ZNF385B: variants seen among roughly 807,000 people sequenced by gnomAD.
The protein encoded by ZNF385B is zinc finger protein 533.
Under a neutral mutation model 39.2 loss-of-function variants are expected in ZNF385B, and 23 were observed. The ratio of observed to expected loss-of-function variants is 0.59; its 90% CI spans 0.42 to 0.83. The LOEUF is 0.83. Ranked by LOEUF, ZNF385B falls within the 40% of genes least tolerant of loss-of-function variation. The pLI is 0.00. For missense variants in ZNF385B, 552 were observed against 598.9 expected, an observed-to-expected ratio of 0.92 and a Z score of 0.82; for synonymous variants, 205 against 222.6, an observed-to-expected ratio of 0.92 and a Z score of 0.70.
intron 1 of ZNF385B, among the ~76,000 whole-genome samples, chr2:179,831,135 A>G (rs1707960958): frequency 1.3e-5 from 2 of 152,208 alleles, no homozygotes. Context: ...TCTTGAACTA[A>G]AAATGCCTGG....
chr2:179,790,301 CCT>C (rs1184160172), intron 1 of ZNF385B, among the ~76,000 whole-genome samples: 1 of 152,104 alleles, frequency 6.6e-6, no homozygotes, highest in Non-Finnish European at 1.5e-5. Flanking sequence ...CAAGCTCACC[CCT>C]GAATTAATTC....
At chr2:179,557,563 T>A (rs537004358) in intron 3 of ZNF385B, among the ~76,000 whole-genome samples, 1 of 100,902 alleles carries the variant, frequency 9.9e-6, no homozygotes, top group African/African-American at 3.6e-5. Flanking sequence ...ATACATGTTA[T>A]ATATGTATGT....
intron 3 of ZNF385B, among the ~76,000 whole-genome samples, chr2:179,590,778 C>A (rs1023482167): frequency 3.9e-5 from 6 of 152,064 alleles, no homozygotes; most frequent in Admixed American, 6.5e-5. Flanking sequence ...GTTTCCTTTG[C>A]GCTCCCTCTC....
chr2:179,610,693 T>C (rs1422102879), intron 3 of ZNF385B, among the ~76,000 whole-genome samples: 2 of 152,180 alleles, frequency 1.3e-5, no homozygotes, highest in Non-Finnish European at 2.9e-5. Flanking sequence ...GAACATGAAA[T>C]ATCTTTCCCT....
At chr2:179,446,861 A>G in intron 6 of ZNF385B, 91 bp from the exon 7 acceptor site, 1 of 1,471,048 alleles carries the variant, frequency 6.8e-7, no homozygotes, top group Non-Finnish European at 9.1e-7. Flanking sequence ...TAGAAATTTG[A>G]TTCTTATGTG....
chr2:179,483,375 G>A lies in ZNF385B; in HGVS notation c.612C>T (p.Asp204=), dbSNP rs762798466. ...SKHAKKVKAL[D]ATKNKPKMVP... Reference sequence around the variant, plus strand: ...CCATTTTGGGTTTATTTTTCGTTGCGTCTAGTGCTTTGACCTTCTTGGCAT... The same window carrying A: ...CCATTTTGGGTTTATTTTTCGTTGCATCTAGTGCTTTGACCTTCTTGGCAT... The change falls in exon 6 of 10, where the codon GAC becomes GAT. Residue 204 remains aspartate, a synonymous_variant. Transcript: ENST00000410066. 66 of 1,613,930 alleles carry A rather than the reference G, an allele frequency of 4.1e-5. 1 individual carries two copies. The highest frequency in any genetic ancestry group is 9.9e-5 in the South Asian group (9 of 91,094).
At chr2:179,757,312 G>C (rs550276436) in intron 3 of ZNF385B, among the ~76,000 whole-genome samples, 1 of 152,222 alleles carries the variant, frequency 6.6e-6, no homozygotes, top group African/African-American at 2.4e-5. Flanking sequence ...CTGCCTGATC[G>C]TTCCTCTGGA....
At chr2:179,550,271 C>T (rs1175900964) in intron 3 of ZNF385B, among the ~76,000 whole-genome samples, 2 of 149,426 alleles carry the variant, frequency 1.3e-5, no homozygotes, top group Admixed American at 6.7e-5. Flanking sequence ...TCTCTAAGCC[C>T]ACAATGGTGG....
intron 3 of ZNF385B, among the ~76,000 whole-genome samples, chr2:179,750,009 T>C (rs1394070986): frequency 6.6e-6 from 1 of 152,170 alleles, no homozygotes; most frequent in African/African-American, 2.4e-5. Flanking sequence ...CTCTTTTATG[T>C]ATCAATCCCT....
chr2:179,602,014 A>G (rs182545684), intron 3 of ZNF385B, among the ~76,000 whole-genome samples: 2 of 152,312 alleles, frequency 1.3e-5, no homozygotes, highest in Admixed American at 1.3e-4. Context: ...TTCTCATCAC[A>G]TTGATGGGAA....
At chr2:179,720,925 GTTTT>G (rs56131510) in intron 3 of ZNF385B, among the ~76,000 whole-genome samples, 4 of 70,134 alleles carry the variant, frequency 5.7e-5, no homozygotes, top group African/African-American at 1.1e-4. Flanking sequence ...ATGCCTGGCT[GTTTT>G]TTTTTTTTTT....
At chr2:179,806,657 A>C (rs887295910) in intron 1 of ZNF385B, among the ~76,000 whole-genome samples, 1 of 152,208 alleles carries the variant, frequency 6.6e-6, no homozygotes, top group Non-Finnish European at 1.5e-5. Context: ...TCACATGTTA[A>C]CTCAGAAAAA....
At chr2:179,795,732 G>A (rs965392289) in intron 1 of ZNF385B, among the ~76,000 whole-genome samples, 17 of 152,012 alleles carry the variant, frequency 1.1e-4, no homozygotes, top group Non-Finnish European at 2.1e-4. Flanking sequence ...ACTTGAGTTG[G>A]CTGACTTTAA....
chr2:179,612,774 G>T (rs934574948), intron 3 of ZNF385B, among the ~76,000 whole-genome samples: 1 of 152,144 alleles, frequency 6.6e-6, no homozygotes, highest in Admixed American at 6.5e-5. Flanking sequence ...ATCAGCCCCA[G>T]GTGGGCTGGC....
chr2:179,583,322 C>A (rs978311504), intron 3 of ZNF385B, among the ~76,000 whole-genome samples: 1 of 152,088 alleles, frequency 6.6e-6, no homozygotes, highest in Non-Finnish European at 1.5e-5. Flanking sequence ...GAAAAATAAA[C>A]TATCAATTTA....
intron 1 of ZNF385B, among the ~76,000 whole-genome samples, chr2:179,782,283 AC>A (rs1448275924): frequency 1.3e-5 from 2 of 152,018 alleles, no homozygotes; most frequent in African/African-American, 4.8e-5. Flanking sequence ...AAACTTCAAC[AC>A]CCCTTCATGT....
chr2:179,668,558 T>C (rs777264675), intron 3 of ZNF385B, among the ~76,000 whole-genome samples: 3 of 151,972 alleles, frequency 2.0e-5, no homozygotes, highest in Non-Finnish European at 4.4e-5. Flanking sequence ...CACATAAAGA[T>C]TTGGTTAAAG....
At chr2:179,849,279 G>C (rs1242674165) in intron 1 of ZNF385B, among the ~76,000 whole-genome samples, 2 of 152,162 alleles carry the variant, frequency 1.3e-5, no homozygotes, top group Non-Finnish European at 2.9e-5. Context: ...GGGAAACGAG[G>C]TTATGAATTA....
intron 4 of ZNF385B, among the ~76,000 whole-genome samples, chr2:179,544,008 G>A (rs1293696659): frequency 6.6e-6 from 1 of 152,046 alleles, no homozygotes; most frequent in African/African-American, 2.4e-5. Context: ...AATGTAGACT[G>A]TCATGCCCCA....
Sources: gnomAD v4.1 joint callset for allele counts (sites outside exome capture counted in the v4.1 genomes callset) on GRCh38, gnomAD v4.1.1 for gene constraint, MANE v1.5 for transcripts, NCBI Gene and HGNC (gene_info 2026-07-23, HGNC 2026-07-21) for gene names.